ZNF600: variants seen among roughly 807,000 people sequenced by gnomAD.
The protein encoded by ZNF600 is zinc finger protein KR-ZNF1.
A neutral mutation model predicts 7.3 loss-of-function variants in ZNF600; 4 were observed. That is an observed-to-expected ratio of 0.55 (90% CI 0.27 to 1.25). ZNF600 has a LOEUF of 1.25. ZNF600 is among the 50% of genes most tolerant of loss of function. The pLI, the probability that ZNF600 is intolerant of heterozygous loss-of-function variation, is 0.12. For missense variants in ZNF600, 911 were observed against 922.1 expected (o/e 0.99, Z 0.16); for synonymous variants, 290 against 308.9 (o/e 0.94, Z 0.64).
chr19:52,825,397 G>A, the ZNF600 span, among the ~76,000 whole-genome samples: 1 of 152,138 alleles, frequency 6.6e-6, no homozygotes, highest in African/African-American at 2.4e-5. Flanking sequence ...TTATCATGTT[G>A]AGCTCAGTGG....
chr19:52,807,260 C>T, the ZNF600 span, among the ~76,000 whole-genome samples: 1 of 152,256 alleles, frequency 6.6e-6, no homozygotes, highest in Non-Finnish European at 1.5e-5. Flanking sequence ...TTCTAGAGTC[C>T]CAGCCCTATG....
At chr19:52,803,946 G>T in the ZNF600 span, among the ~76,000 whole-genome samples, 5,119 of 152,222 alleles carry the variant, frequency 0.034, 114 homozygotes, top group African/African-American at 0.061. Flanking sequence ...AACAGGATGA[G>T]ACTCCATCTC....
At chr19:52,773,666 C>T (rs963915442) in intron 3 of ZNF600, among the ~76,000 whole-genome samples, 5 of 151,810 alleles carry the variant, frequency 3.3e-5, no homozygotes, top group Admixed American at 2.6e-4. Context: ...GTCAGGAGTT[C>T]GAGACCAGCC....
At chr19:52,767,537 A>T (rs762285445) in exon 4 of ZNF600, 1 of 1,614,142 alleles carries the variant, frequency 6.2e-7, no homozygotes, top group East Asian at 2.2e-5. Flanking sequence ...GCCTGTGATC[A>T]TGTTGGTCTG....
At chr19:52,817,994 T>A in the ZNF600 span, 1 of 1,610,468 alleles carries the variant, frequency 6.2e-7, no homozygotes, top group East Asian at 2.2e-5. Flanking sequence ...CTCTTCTGGG[T>A]TTCTTCCTCA....
At chr19:52,767,571 T>G (rs751724577) in exon 4 of ZNF600, 3 of 1,613,902 alleles carry the variant, frequency 1.9e-6, no homozygotes, top group South Asian at 2.2e-5. Context: ...CTTTTTTATT[T>G]TTGTCATGGG....
the ZNF600 span, chr19:52,809,810 T>C: frequency 1.3e-5 from 5 of 390,528 alleles, no homozygotes; most frequent in Non-Finnish European, 2.0e-5. Context: ...AGGAGCCCAG[T>C]CTGAGCGGCG....
At chr19:52,803,917 A>G in the ZNF600 span, among the ~76,000 whole-genome samples, 1 of 152,140 alleles carries the variant, frequency 6.6e-6, no homozygotes, top group African/African-American at 2.4e-5. Context: ...AGATCATGCC[A>G]CTGCATTCCA....
chr19:52,766,031 A>C, exon 4 of ZNF600: 1 of 1,614,144 alleles, frequency 6.2e-7, no homozygotes, highest in East Asian at 2.2e-5. Flanking sequence ...CTCCAGTATG[A>C]AGTCTACGAT....
At chr19:52,821,621 C>T in the ZNF600 span, 6 of 152,168 alleles carry the variant, frequency 3.9e-5, no homozygotes, top group Non-Finnish European at 8.8e-5. Context: ...CCACGGGATC[C>T]GCTTCCTGGT....
the ZNF600 span, among the ~76,000 whole-genome samples, chr19:52,816,859 A>AATAATG: frequency 7.0e-6 from 1 of 142,096 alleles, no homozygotes; most frequent in African/African-American, 2.6e-5. Context: ...TAATAATAAT[A>AATAATG]ATAATAATAA....
chr19:52,789,435 A>G (rs1289113704), upstream of ZNF600, among the ~76,000 whole-genome samples: 1 of 152,216 alleles, frequency 6.6e-6, no homozygotes, highest in Non-Finnish European at 1.5e-5. Flanking sequence ...TTTTATGTAT[A>G]CATGTAACTT....
exon 4 of ZNF600, chr19:52,766,845 C>T (rs1465481277): frequency 3.1e-6 from 5 of 1,613,968 alleles, no homozygotes; most frequent in South Asian, 1.1e-5. Flanking sequence ...ACATTCTTCA[C>T]ATTTGTAAGG....
chr19:52,820,793 C>T, the ZNF600 span, among the ~76,000 whole-genome samples: 1 of 152,196 alleles, frequency 6.6e-6, no homozygotes, highest in East Asian at 1.9e-4. Context: ...TATCTTTTAT[C>T]ACTTTTGCTG....
At chr19:52,809,888 G>A in the ZNF600 span, 3 of 781,792 alleles carry the variant, frequency 3.8e-6, no homozygotes, top group Admixed American at 2.1e-5. Flanking sequence ...CGGGATCCAG[G>A]CCGGGGCGGC....
At chr19:52,812,590 C>T in the ZNF600 span, among the ~76,000 whole-genome samples, 2 of 124,602 alleles carry the variant, frequency 1.6e-5, no homozygotes, top group Non-Finnish European at 3.4e-5. Context: ...GAGTCATCAC[C>T]ACTCCCTAAT....
At chr19:52,823,444 G>A in the ZNF600 span, among the ~76,000 whole-genome samples, 4 of 152,114 alleles carry the variant, frequency 2.6e-5, no homozygotes, top group Non-Finnish European at 2.9e-5. Context: ...TCTAATTCCT[G>A]ACCTCAAGTG....
chr19:52,831,846 G>A, the ZNF600 span, among the ~76,000 whole-genome samples: 1 of 151,816 alleles, frequency 6.6e-6, no homozygotes, highest in Non-Finnish European at 1.5e-5. Context: ...CCCCATTTTG[G>A]TCAGGCTGGT....
chr19:52,810,878 C>T, the ZNF600 span, among the ~76,000 whole-genome samples: 1 of 18,534 alleles, frequency 5.4e-5, no homozygotes, highest in East Asian at 1.0e-3. Context: ...CCTCCCCCTC[C>T]CCCTCCCCCT....
Sources: gnomAD v4.1 joint callset for allele counts (sites outside exome capture counted in the v4.1 genomes callset) on GRCh38, gnomAD v4.1.1 for gene constraint, MANE v1.5 for transcripts, NCBI Gene and HGNC (gene_info 2026-07-23, HGNC 2026-07-21) for gene names.